Variants in GRID2 observed in about 807,000 individuals in gnomAD.
GRID2 encodes glutamate ionotropic receptor delta type subunit 2.
In GRID2, 33 loss-of-function variants were observed where a neutral mutation model predicts 114.8. The observed-to-expected ratio is 0.29, with a 90% confidence interval of 0.22 to 0.38. GRID2 has a LOEUF of 0.38. GRID2 is among the 10% of genes least tolerant of loss of function. The probability of loss-of-function intolerance (pLI) is 1.00; values close to 1 mark genes in which losing one functional copy is unlikely to be tolerated. For synonymous variants in GRID2, 505 were observed against 449.9 expected (o/e 1.12, Z -1.55); for missense variants, 1,184 against 1,257.7 (o/e 0.94, Z 0.89).
chr4:92,575,323 C>T (rs1375533987), intron 1 of GRID2, among the ~76,000 whole-genome samples: 1 of 152,176 alleles, frequency 6.6e-6, no homozygotes, highest in African/African-American at 2.4e-5. Flanking sequence ...TCATTTCAGC[C>T]ATGTCAGCCT....
chr4:92,305,912 T>G (rs1282267079), intron 1 of GRID2, among the ~76,000 whole-genome samples: 1 of 152,240 alleles, frequency 6.6e-6, no homozygotes, highest in Non-Finnish European at 1.5e-5. Context: ...GGAATTTTTC[T>G]GGGCACAGGA....
intron 4 of GRID2, among the ~76,000 whole-genome samples, chr4:93,147,354 A>G (rs977920759): frequency 1.3e-5 from 2 of 152,244 alleles, no homozygotes; most frequent in African/African-American, 2.4e-5. Flanking sequence ...ATGATCAAAT[A>G]TTTTCTCTTT....
Position 92,530,473 on chromosome 4 carries a change from C to T in GRID2, c.89-59658C>T, listed in dbSNP as rs1397842375. On this transcript the variant is annotated intron_variant, in intron 1 of 15. Transcript: ENST00000282020. ...AAATAGTGAGAATAGTGGAAAAAGTCAACCACTACCACAAAAAAGTGAGTG... is the reference window on the plus strand; with the variant it reads ...AAATAGTGAGAATAGTGGAAAAAGTTAACCACTACCACAAAAAAGTGAGTG... Among the ~76,000 whole-genome samples, 6 of 114,530 alleles carry T rather than the reference C, an allele frequency of 5.2e-5. No individual in the cohort carries two copies. The Admixed American group carries it at 6.0e-4, about 11-fold the overall frequency. 75.1% of individuals were successfully genotyped at this position (114,530 alleles called of 152,430 possible).
chr4:93,389,452 G>T (rs1764635135), intron 8 of GRID2, among the ~76,000 whole-genome samples: 1 of 152,214 alleles, frequency 6.6e-6, no homozygotes, highest in East Asian at 1.9e-4. Flanking sequence ...AAACATTTTG[G>T]TTTTTCATTC....
rs778531613 is a variant in GRID2, at chr4:93,322,496, G to A, written c.1246-73111G>A. Among the ~76,000 whole-genome samples the A allele has an allele frequency of 9.2e-5, 14 of 152,054 alleles. 1 individual carries two copies. Among genetic ancestry groups the A allele is most frequent in the African/African-American group, 2.2e-4 (9 of 41,392 alleles). On this transcript the variant is annotated intron_variant, in intron 8 of 15. Coordinates refer to ENST00000282020, the MANE Select transcript of GRID2 (RefSeq NM_001510.4). Reference sequence around the variant, plus strand: ...AGTCTTTGGTATTGTGAACAGTGCCGCAATAGACATACATGTGCATGTGTG... The same window carrying A: ...AGTCTTTGGTATTGTGAACAGTGCCACAATAGACATACATGTGCATGTGTG...
At chr4:92,697,627 G>A (rs1394166094) in intron 2 of GRID2, among the ~76,000 whole-genome samples, 5 of 152,080 alleles carry the variant, frequency 3.3e-5, no homozygotes, top group African/African-American at 1.2e-4. Flanking sequence ...AGGGATATAT[G>A]TGAGCTTTTT....
At chr4:93,722,693 T>C (rs930971959) in intron 14 of GRID2, among the ~76,000 whole-genome samples, 4 of 152,220 alleles carry the variant, frequency 2.6e-5, no homozygotes, top group Non-Finnish European at 5.9e-5. Context: ...CTGGACGGAC[T>C]TGCAGCTCTG....
At chr4:92,913,036 A>G (rs1365926835) in intron 2 of GRID2, among the ~76,000 whole-genome samples, 2 of 151,866 alleles carry the variant, frequency 1.3e-5, no homozygotes, top group African/African-American at 2.4e-5. Context: ...ATTAAAGAGG[A>G]TAACTTTGTG....
At chr4:93,194,889 G>T (rs1455587534) in intron 4 of GRID2, among the ~76,000 whole-genome samples, 3 of 152,092 alleles carry the variant, frequency 2.0e-5, no homozygotes, top group Non-Finnish European at 4.4e-5. Context: ...TGTTTAAAAA[G>T]CCCTCCAGGT....
chr4:92,919,096 A>G (rs1055609659), intron 2 of GRID2, among the ~76,000 whole-genome samples: 2 of 152,136 alleles, frequency 1.3e-5, no homozygotes, highest in African/African-American at 2.4e-5. Context: ...GTATGTGTTG[A>G]GGAATTTATC....
intron 7 of GRID2, 72 bp downstream of exon 7, chr4:93,224,847 C>G: frequency 9.3e-7 from 1 of 1,077,508 alleles, no homozygotes; most frequent in Non-Finnish European, 1.4e-6. Flanking sequence ...AAAGGGTTTC[C>G]TCTTTAATAT....
chr4:93,032,136 T>G (rs1387176246), intron 2 of GRID2, among the ~76,000 whole-genome samples: 3 of 152,160 alleles, frequency 2.0e-5, no homozygotes, highest in African/African-American at 7.2e-5. Flanking sequence ...TCACAAGTCT[T>G]GTCATCCTGT....
intron 2 of GRID2, among the ~76,000 whole-genome samples, chr4:92,828,880 A>T (rs567877552): frequency 9.2e-5 from 14 of 152,088 alleles, no homozygotes; most frequent in Admixed American, 6.6e-4. Context: ...TTTCTTGTAA[A>T]TTTGTTTAAG....
At chr4:92,780,609 G>A (rs545040904) in intron 2 of GRID2, among the ~76,000 whole-genome samples, 1 of 152,162 alleles carries the variant, frequency 6.6e-6, no homozygotes, top group East Asian at 1.9e-4. Flanking sequence ...GCCTTTTGTA[G>A]CACTTAGTCC....
chr4:93,333,166 C>T (rs1418452865), intron 8 of GRID2, among the ~76,000 whole-genome samples: 1 of 138,174 alleles, frequency 7.2e-6, no homozygotes, highest in Non-Finnish European at 1.5e-5. Flanking sequence ...TCTAGAAAGC[C>T]TTCTGATATG....
chr4:93,343,142 CTGTGTGTG>C (rs150132437), intron 8 of GRID2, among the ~76,000 whole-genome samples: 14 of 40,192 alleles, frequency 3.5e-4, no homozygotes, highest in African/African-American at 7.8e-4. Context: ...TGTGAGGTGA[CTGTGTGTG>C]TGTGTGTGTG....
chr4:92,694,330 G>A (rs960013961), intron 2 of GRID2, among the ~76,000 whole-genome samples: 2 of 152,130 alleles, frequency 1.3e-5, no homozygotes, highest in Non-Finnish European at 2.9e-5. Flanking sequence ...TCCTGAGCCT[G>A]CTCCCTACCA....
intron 13 of GRID2, among the ~76,000 whole-genome samples, chr4:93,539,448 T>G (rs896084684): frequency 3.9e-5 from 6 of 152,040 alleles, no homozygotes; most frequent in African/African-American, 1.4e-4. Flanking sequence ...TGTTCAAATG[T>G]GCCCAGTATT....
chr4:93,309,574 A>G (rs1408011581), intron 8 of GRID2, among the ~76,000 whole-genome samples: 2 of 151,820 alleles, frequency 1.3e-5, no homozygotes, highest in Non-Finnish European at 2.9e-5. Context: ...AATAAAAAAG[A>G]AGAAGAATTA....
Sources: allele counts gnomAD v4.1 joint callset (sites outside exome capture counted in the v4.1 genomes callset), GRCh38; gene constraint gnomAD v4.1.1; transcripts MANE v1.5; gene names NCBI Gene and HGNC (gene_info 2026-07-23, HGNC 2026-07-21).